The following SEPHS1 variants were observed in gnomAD, a reference collection of about 807,000 sequenced individuals.
SEPHS1 encodes zincore component SEPHS1.
Under a neutral mutation model 39.2 loss-of-function variants are expected in SEPHS1, and 7 were observed. The observed-to-expected ratio is 0.18, with a 90% CI of 0.10 to 0.34. The LOEUF (loss-of-function observed/expected upper bound fraction) is 0.34, where lower values mean the gene tolerates loss of function less well. SEPHS1 is among the 10% of genes least tolerant of loss of function. The pLI is 1.00. For missense variants in SEPHS1, 253 were observed against 514.5 expected, an observed-to-expected ratio of 0.49 and a Z score of 4.92; for synonymous variants, 190 against 195.5, an observed-to-expected ratio of 0.97 and a Z score of 0.23.
intron 7 of SEPHS1, among the ~76,000 whole-genome samples, chr10:13,327,726 C>G (rs1833348639): frequency 6.6e-6 from 1 of 152,116 alleles, no homozygotes; most frequent in African/African-American, 2.4e-5. Flanking sequence ...CCAAGGAAGT[C>G]CATAGCAGTC....
At chr10:13,335,657 CTG>C (rs1347902654) in intron 4 of SEPHS1, among the ~76,000 whole-genome samples, 1 of 138,526 alleles carries the variant, frequency 7.2e-6, no homozygotes, top group Non-Finnish European at 1.5e-5. Flanking sequence ...GAGTGAGACT[CTG>C]TCTCAATAAA....
rs1833544698 is a variant in SEPHS1 at position 13,333,885 on chromosome 10, T to G, written c.492A>C (p.Thr164=). Residue 164 remains threonine (T), a synonymous_variant, in exon 5 of 9, where the codon ACA becomes ACC. Transcript: ENST00000327347. ...CCAGGACAATCCAGGGGTTTAGTACTGTTTGGCCGCCTGTTACAGATGTTC... is the reference window on the plus strand; with the variant it reads ...CCAGGACAATCCAGGGGTTTAGTACGGTTTGGCCGCCTGTTACAGATGTTC... ...EAGTSVTGGQ[T]VLNPWIVLGG... The G allele has an allele frequency of 7.4e-6, 12 of 1,613,980 alleles. No individual in the cohort carries two copies. Among genetic ancestry groups the G allele is most frequent in the Non-Finnish European group, 1.0e-5 (12 of 1,179,954 alleles).
rs1332498627 is a variant in SEPHS1, at chr10:13,322,828, C to G, written c.964+7G>C. 1.2e-6 allele frequency: 2 copies of G among 1,612,216 alleles called. No individual in the cohort carries two copies. Among genetic ancestry groups the G allele is most frequent in the African/African-American group, 2.7e-5 (2 of 74,868 alleles). ...TTTAGTCCTCAGATGCGCCCAGCAT[C>G]CTGTACCTGAAGTCTCCGGGCAGGT... On this transcript the variant is annotated splice_region_variant and intron_variant, in intron 8 of 8. Coordinates refer to ENST00000327347, the MANE Select transcript of SEPHS1 (RefSeq NM_012247.5).
At chr10:13,345,526 A>G (rs1833896109) in intron 1 of SEPHS1, 1 of 152,264 alleles carries the variant, frequency 6.6e-6, no homozygotes, top group African/African-American at 2.4e-5. Context: ...GCATTGGACA[A>G]AATTCTTCAC....
intron 8 of SEPHS1, among the ~76,000 whole-genome samples, 170 bp downstream of exon 8, chr10:13,322,665 G>C (rs998203707): frequency 3.9e-5 from 6 of 152,184 alleles, no homozygotes; most frequent in African/African-American, 1.4e-4. Flanking sequence ...CAGGATGGCG[G>C]GGACCAGACC....
intron 2 of SEPHS1, among the ~76,000 whole-genome samples, chr10:13,339,976 A>G (rs1000509986): frequency 3.3e-5 from 5 of 152,208 alleles, no homozygotes; most frequent in African/African-American, 1.2e-4. Flanking sequence ...CCCAATAGCC[A>G]AAAGCAGGGA....
intron 2 of SEPHS1, among the ~76,000 whole-genome samples, chr10:13,341,459 C>G (rs1833782196): frequency 6.6e-6 from 1 of 151,898 alleles, no homozygotes; most frequent in South Asian, 2.1e-4. Context: ...TGCACCGCCC[C>G]CGCCAGCAGC....
intron 1 of SEPHS1, among the ~76,000 whole-genome samples, chr10:13,345,844 T>A (rs1340929677): frequency 6.6e-6 from 1 of 152,188 alleles, no homozygotes; most frequent in Admixed American, 6.5e-5. Context: ...GCCACTGCAC[T>A]CCAGCCTGGG....
intron 5 of SEPHS1, 50 bp from the exon 6 acceptor site, chr10:13,329,838 G>T: frequency 7.2e-7 from 1 of 1,392,372 alleles, no homozygotes; most frequent in Non-Finnish European, 1.0e-6. Context: ...AAGGAGATGA[G>T]CTCATTGTTA....
At chr10:13,343,812 T>G (rs1023373490) in intron 2 of SEPHS1, among the ~76,000 whole-genome samples, 5 of 151,496 alleles carry the variant, frequency 3.3e-5, no homozygotes, top group African/African-American at 1.2e-4. Context: ...AGAATCCATT[T>G]CAAAAAAAAA....
At chr10:13,322,127 T>G (rs988425631) in intron 8 of SEPHS1, 1 of 413,118 alleles carries the variant, frequency 2.4e-6, no homozygotes, top group Non-Finnish European at 4.7e-6. Context: ...TTTTTTATTC[T>G]GTATCATTCT....
chr10:13,346,441 C>T (rs1244509660), intron 1 of SEPHS1, among the ~76,000 whole-genome samples: 1 of 152,182 alleles, frequency 6.6e-6, no homozygotes, highest in East Asian at 1.9e-4. Flanking sequence ...GTAATCCAAA[C>T]CGTCTTCACA....
chr10:13,324,523 G>T (rs1156810365), intron 7 of SEPHS1, among the ~76,000 whole-genome samples: 2 of 152,224 alleles, frequency 1.3e-5, no homozygotes, highest in Non-Finnish European at 2.9e-5. Context: ...GACTTTTAAA[G>T]TGGCTGTGCC....
At chr10:13,321,509 C>T (rs541090359) in intron 8 of SEPHS1, among the ~76,000 whole-genome samples, 7 of 152,158 alleles carry the variant, frequency 4.6e-5, no homozygotes, top group African/African-American at 1.4e-4. Flanking sequence ...GAATTACAGG[C>T]GTGAGCCACC....
chr10:13,332,586 GTA>G (rs1224732570), intron 5 of SEPHS1, among the ~76,000 whole-genome samples: 1 of 152,204 alleles, frequency 6.6e-6, no homozygotes, highest in East Asian at 1.9e-4. Context: ...GCTCACGCCT[GTA>G]ATCCCAGCAC....
At chr10:13,329,544 G>T in intron 6 of SEPHS1, 154 bp downstream of exon 6, 1 of 559,782 alleles carries the variant, frequency 1.8e-6, no homozygotes, top group Non-Finnish European at 3.2e-6. Context: ...GTTATTTAAA[G>T]ACTATGAACA....
chr10:13,338,443 TACTC>T (rs1256332562), intron 3 of SEPHS1, among the ~76,000 whole-genome samples: 13 of 152,304 alleles, frequency 8.5e-5, no homozygotes, highest in South Asian at 2.1e-4. Context: ...GAGGTGTTCT[TACTC>T]ACAGCATGTA....
chr10:13,324,074 T>C (rs983987920), intron 7 of SEPHS1, among the ~76,000 whole-genome samples: 8 of 152,214 alleles, frequency 5.3e-5, no homozygotes, highest in African/African-American at 1.4e-4. Flanking sequence ...TCCTCAGTGC[T>C]CTGCTCTACC....
At chr10:13,321,697 A>G (rs1384075374) in intron 8 of SEPHS1, among the ~76,000 whole-genome samples, 2 of 152,224 alleles carry the variant, frequency 1.3e-5, no homozygotes, top group Non-Finnish European at 2.9e-5. Context: ...GGGGCAAAAG[A>G]GAAATGGTAC....
Sources: gnomAD v4.1 joint callset for allele counts (sites outside exome capture counted in the v4.1 genomes callset) on GRCh38, gnomAD v4.1.1 for gene constraint, MANE v1.5 for transcripts, NCBI Gene and HGNC (gene_info 2026-07-23, HGNC 2026-07-21) for gene names.